The following KANK1 variants were observed in gnomAD, a reference collection of about 807,000 sequenced individuals.
KANK1 encodes the protein KN motif and ankyrin repeat domains 1, also known as KN motif and ankyrin repeat domain-containing protein 1.
In KANK1, 109 loss-of-function variants were observed where a neutral mutation model predicts 106.2. That is an observed-to-expected ratio of 1.03 (90% CI 0.88 to 1.20). The LOEUF is 1.20. Among genes scored for constraint, KANK1 ranks in the 50% most tolerant of loss-of-function variants. The probability of loss-of-function intolerance (pLI) is 0.00; values close to 1 mark genes in which losing one functional copy is unlikely to be tolerated. For synonymous variants in KANK1, 873 were observed against 652.2 expected, an observed-to-expected ratio of 1.34 and a Z score of -5.16; for missense variants, 2,399 against 1,710.7, an observed-to-expected ratio of 1.40 and a Z score of -7.10.
chr9:652,141 C>G (rs1005628095), intron 1 of KANK1, among the ~76,000 whole-genome samples: 1 of 152,026 alleles, frequency 6.6e-6, no homozygotes, highest in African/African-American at 2.4e-5. Context: ...TGTAATTTAC[C>G]CATTTATAAT....
intron 3 of KANK1, among the ~76,000 whole-genome samples, chr9:726,338 C>T (rs887400542): frequency 3.9e-5 from 6 of 152,054 alleles, no homozygotes; most frequent in Non-Finnish European, 7.4e-5. Context: ...TTCTAGTTTC[C>T]GTTAAACTTG....
intron 3 of KANK1, chr9:476,570 A>C (rs1305564018): frequency 6.6e-6 from 1 of 152,098 alleles, no homozygotes; most frequent in Non-Finnish European, 1.5e-5. Flanking sequence ...ATCCAAAAGA[A>C]AAGGGGAAAC....
chr9:524,713 T>C (rs1466104907), intron 1 of KANK1, among the ~76,000 whole-genome samples: 1 of 151,566 alleles, frequency 6.6e-6, no homozygotes, highest in African/African-American at 2.4e-5. Context: ...AGACGGCATT[T>C]CACCATGTTG....
At chr9:693,829 G>A in intron 2 of KANK1, 2 of 984,750 alleles carry the variant, frequency 2.0e-6, no homozygotes, top group Non-Finnish European at 2.4e-6. Flanking sequence ...AGGAGAGCAT[G>A]ATGTTTGGGT....
At chr9:474,387 C>T (rs2058070004) in intron 3 of KANK1, among the ~76,000 whole-genome samples, 1 of 152,134 alleles carries the variant, frequency 6.6e-6, no homozygotes, top group Admixed American at 6.6e-5. Flanking sequence ...TGATATTGGA[C>T]ATATTGATTA....
intron 1 of KANK1, among the ~76,000 whole-genome samples, chr9:520,302 G>A (rs1478228216): frequency 6.6e-6 from 1 of 151,696 alleles, no homozygotes; most frequent in African/African-American, 2.4e-5. Context: ...TCATACCACT[G>A]CACTCCAGCC....
At chr9:684,578 A>G (rs971081913) in intron 2 of KANK1, 6 of 985,236 alleles carry the variant, frequency 6.1e-6, no homozygotes, top group Admixed American at 1.2e-4. Flanking sequence ...TCTCGTTGTG[A>G]GTATTGGCAT....
rs117587708 is a variant in KANK1 at position 698,860 on chromosome 9, A to G, written c.38-11944A>G. ...TAATCTCCAGCATCTAGCCAGAGCA[A>G]TCTTATTAAAATGCAAATCTGATCA... On this transcript the variant is annotated intron_variant, in intron 2 of 11. Coordinates refer to ENST00000382297, the MANE Select transcript of KANK1 (RefSeq NM_015158.5). Among the ~76,000 whole-genome samples, 452 of 152,308 alleles carry G rather than the reference A, an allele frequency of 3.0e-3. 1 individual carries two copies. Among genetic ancestry groups the G allele is most frequent in the Non-Finnish European group, 5.2e-3 (352 of 68,014 alleles).
At chr9:674,356 G>A (rs1815928775) in intron 1 of KANK1, 1 of 149,876 alleles carries the variant, frequency 6.7e-6, no homozygotes, top group Non-Finnish European at 1.5e-5. Context: ...AAGCCACGCA[G>A]CGGGCAGGCT....
intron 1 of KANK1, among the ~76,000 whole-genome samples, chr9:669,681 T>C (rs753002614): frequency 6.6e-6 from 1 of 152,142 alleles, no homozygotes; most frequent in Non-Finnish European, 1.5e-5. Flanking sequence ...CTTTGAGAGT[T>C]TTATTATTAT....
chr9:555,380 G>A (rs2061521028), intron 1 of KANK1, among the ~76,000 whole-genome samples: 1 of 149,516 alleles, frequency 6.7e-6, no homozygotes, highest in Non-Finnish European at 1.5e-5. Context: ...TGTGCAAACT[G>A]TGCAGTGTCA....
At chr9:488,001 T>G (rs933495012) in intron 3 of KANK1, among the ~76,000 whole-genome samples, 2 of 152,336 alleles carry the variant, frequency 1.3e-5, no homozygotes, top group Admixed American at 1.3e-4. Context: ...TGACAAGAAG[T>G]AAACACCTTC....
At chr9:704,830 T>A (rs759564697) in intron 2 of KANK1, among the ~76,000 whole-genome samples, 9 of 151,592 alleles carry the variant, frequency 5.9e-5, no homozygotes, top group African/African-American at 2.2e-4. Flanking sequence ...AAAATAATTT[T>A]AAAAAATTAA....
chr9:499,745 C>T (rs780576751), upstream of KANK1, among the ~76,000 whole-genome samples: 1 of 152,154 alleles, frequency 6.6e-6, no homozygotes, highest in Non-Finnish European at 1.5e-5. Context: ...ATTACATTGA[C>T]ATAGATCAAT....
chr9:742,240 C>A lies in KANK1; in HGVS notation c.3732C>A (p.His1244Gln), dbSNP rs141543079. The A allele has an allele frequency of 1.4e-5, 23 of 1,614,074 alleles. No homozygotes were observed. Among genetic ancestry groups the A allele is most frequent in the Non-Finnish European group, 1.9e-5 (22 of 1,180,040 alleles). Residue 1244 changes from histidine (H) to glutamine (Q), a missense_variant, in exon 10 of 12, where the codon CAC (histidine) becomes CAA (glutamine). Coordinates refer to ENST00000382297, the MANE Select transcript of KANK1 (RefSeq NM_015158.5). ...CGGCCCTCATGCTGGCGGTCAGTCA[C>A]GGACGGATAGACATGGTGAAGGGCC... ...GQTALMLAVSHGRIDMVKGLL... is the reference protein window; with the variant it reads ...GQTALMLAVSQGRIDMVKGLL...
chr9:543,362 C>A (rs575209932), intron 1 of KANK1, among the ~76,000 whole-genome samples: 1 of 151,860 alleles, frequency 6.6e-6, no homozygotes, highest in Non-Finnish European at 1.5e-5. Context: ...TTGAGACCAG[C>A]CTGGCCAACA....
rs117294048 is a variant in KANK1 at position 514,835 on chromosome 9, C to G, written c.-84+10081C>G. On this transcript the variant is annotated intron_variant, in intron 1 of 11. Transcript: ENST00000382297. Reference sequence around the variant, plus strand: ...AGTGCAATTTTTGGGCCATGCAGTTCAACTGGAGTAGGTACCGTCAGAGTG... The same window carrying G: ...AGTGCAATTTTTGGGCCATGCAGTTGAACTGGAGTAGGTACCGTCAGAGTG... Among the ~76,000 whole-genome samples the G allele has an allele frequency of 7.7e-4, 117 of 151,726 alleles. 1 individual carries two copies. The East Asian group carries it at 0.021, about 27-fold the overall frequency.
chr9:621,914 G>C (rs1368126273), intron 1 of KANK1, among the ~76,000 whole-genome samples: 1 of 152,146 alleles, frequency 6.6e-6, no homozygotes, highest in Non-Finnish European at 1.5e-5. Flanking sequence ...AAAGGGCTTT[G>C]GTTTGTTCTG....
chr9:495,105 GAC>G (rs1315212033), intron 3 of KANK1: 1 of 152,202 alleles, frequency 6.6e-6, no homozygotes, highest in African/African-American at 2.4e-5. Flanking sequence ...AATGACAGCT[GAC>G]AATAAAGCTT....
Sources: allele counts gnomAD v4.1 joint callset (sites outside exome capture counted in the v4.1 genomes callset), GRCh38; gene constraint gnomAD v4.1.1; transcripts MANE v1.5; gene names NCBI Gene and HGNC (gene_info 2026-07-23, HGNC 2026-07-21).